Variants in CRB1 observed in about 807,000 individuals in gnomAD.
The protein encoded by CRB1 is protein crumbs homolog 1.
Under a neutral mutation model 120.0 loss-of-function variants are expected in CRB1, and 83 were observed. That is an observed-to-expected ratio of 0.69 (90% CI 0.58 to 0.83). The LOEUF (loss-of-function observed/expected upper bound fraction) is 0.83, where lower values mean the gene tolerates loss of function less well. Ranked by LOEUF, CRB1 falls within the 40% of genes least tolerant of loss-of-function variation. The probability of loss-of-function intolerance (pLI) is 0.00; values close to 1 mark genes in which losing one functional copy is unlikely to be tolerated. For missense variants in CRB1, 1,699 were observed against 1,687.6 expected, an observed-to-expected ratio of 1.01 and a Z score of -0.12; for synonymous variants, 625 against 612.5, an observed-to-expected ratio of 1.02 and a Z score of -0.30.
At chr1:197,411,560 TC>T (rs1663714297) in intron 5 of CRB1, among the ~76,000 whole-genome samples, 2 of 152,170 alleles carry the variant, frequency 1.3e-5, no homozygotes, top group African/African-American at 4.8e-5. Context: ...TGACATGAGA[TC>T]CCTGGCTTGC....
At chr1:197,252,538 T>TTATATATATATA in the CRB1 span, among the ~76,000 whole-genome samples, 7 of 27,812 alleles carry the variant, frequency 2.5e-4, 1 homozygote, top group Non-Finnish European at 3.6e-4. Context: ...CCAATAGATT[T>TTATATATATATA]TATATATATA....
the CRB1 span, among the ~76,000 whole-genome samples, chr1:197,236,628 C>A: frequency 6.6e-6 from 1 of 152,146 alleles, no homozygotes; most frequent in African/African-American, 2.4e-5. Context: ...TGTCTTTCAC[C>A]ATTAAAAATA....
intron 2 of CRB1, among the ~76,000 whole-genome samples, chr1:197,330,709 T>C (rs1658799177): frequency 6.6e-6 from 1 of 152,204 alleles, no homozygotes; most frequent in Non-Finnish European, 1.5e-5. Context: ...AGTAATTATA[T>C]TCATTATGTT....
intron 1 of CRB1, among the ~76,000 whole-genome samples, chr1:197,300,490 T>G (rs1302283795): frequency 6.6e-6 from 1 of 152,020 alleles, no homozygotes; most frequent in Non-Finnish European, 1.5e-5. Flanking sequence ...GCAAAGCCCC[T>G]ACTCTCCTCA....
chr1:197,298,867 C>T (rs1235524977), intron 1 of CRB1, among the ~76,000 whole-genome samples: 1 of 151,876 alleles, frequency 6.6e-6, no homozygotes, highest in Non-Finnish European at 1.5e-5. Context: ...TACATAAAAA[C>T]TAATTCCAAA....
chr1:197,366,524 TGTAAC>T (rs1266468211), intron 5 of CRB1, among the ~76,000 whole-genome samples: 3 of 152,216 alleles, frequency 2.0e-5, no homozygotes, highest in African/African-American at 7.2e-5. Context: ...TATTTGCATA[TGTAAC>T]GTAATTTTTC....
intron 1 of CRB1, among the ~76,000 whole-genome samples, chr1:197,323,559 G>T (rs1321610009): frequency 2.6e-5 from 4 of 152,080 alleles, no homozygotes; most frequent in Non-Finnish European, 5.9e-5. Context: ...TTATAATAAG[G>T]TCAGTGATTT....
intron 1 of CRB1, among the ~76,000 whole-genome samples, chr1:197,315,086 C>G (rs922499101): frequency 1.3e-4 from 20 of 152,176 alleles, no homozygotes; most frequent in Admixed American, 1.3e-3. Flanking sequence ...AATCCAAATC[C>G]CAGGAGATCA....
intron 4 of CRB1, among the ~76,000 whole-genome samples, chr1:197,354,825 ACC>A (rs1558076296): frequency 4.2e-3 from 59 of 14,204 alleles, no homozygotes; most frequent in African/African-American, 0.015. Context: ...CCGCCCCCCC[ACC>A]CCCCCCCCCC....
At chr1:197,428,074 A>AAT in intron 7 of CRB1, 73 bp downstream of exon 7, 1 of 1,356,862 alleles carries the variant, frequency 7.4e-7, no homozygotes, top group Non-Finnish European at 1.0e-6. Flanking sequence ...ATAACTTATT[A>AAT]AAACCATTCT....
At chr1:197,355,806 G>A (rs1046206385) in intron 4 of CRB1, among the ~76,000 whole-genome samples, 2 of 152,116 alleles carry the variant, frequency 1.3e-5, no homozygotes, top group Non-Finnish European at 2.9e-5. Context: ...TGAGGGAGCC[G>A]ACTCCATTCT....
intron 1 of CRB1, among the ~76,000 whole-genome samples, chr1:197,300,036 T>G (rs937346710): frequency 1.3e-5 from 2 of 152,000 alleles, no homozygotes; most frequent in African/African-American, 4.8e-5. Flanking sequence ...CATGCCCATA[T>G]GGCAACCAAC....
intron 5 of CRB1, among the ~76,000 whole-genome samples, chr1:197,359,782 A>C (rs1393941043): frequency 2.0e-5 from 3 of 152,074 alleles, no homozygotes; most frequent in African/African-American, 7.2e-5. Flanking sequence ...GTTTTTTTTA[A>C]TAGTCATGTT....
intron 1 of CRB1, among the ~76,000 whole-genome samples, chr1:197,294,442 A>G (rs1571784520): frequency 6.6e-6 from 1 of 152,140 alleles, no homozygotes. Context: ...AAATAGGAAC[A>G]CTTACACTGT....
chr1:197,362,397 C>T (rs1660818342), intron 5 of CRB1, among the ~76,000 whole-genome samples: 1 of 152,006 alleles, frequency 6.6e-6, no homozygotes, highest in African/African-American at 2.4e-5. Context: ...TGGTGTTGTT[C>T]ACATTTTGTA....
chr1:197,222,903 C>T, the CRB1 span: 5 of 1,174,088 alleles, frequency 4.3e-6, no homozygotes, highest in South Asian at 6.1e-5. Flanking sequence ...AGACTCTGAA[C>T]AATTCATAGT....
In CRB1 at chr1:197,363,872, T is replaced by TTCCTTTA. The variant is rs1660916295; in HGVS notation, c.1171+6859_1171+6860insTCCTTTA. The TTCCTTTA allele has an allele frequency of 4.1e-6, 4 of 969,202 alleles. No individual in the cohort carries two copies. The African/African-American group carries it at 6.4e-5, about 16-fold the overall frequency. 60.0% of individuals were successfully genotyped at this position (969,202 alleles called of 1,614,324 possible). On this transcript the variant is annotated intron_variant, in intron 5 of 11. Transcript: ENST00000367400. ...ACTGTGATGGTATAGGAAGGGAACG[T>TTCCTTTA]GGAAGGTGCATAGAGGACCCTAAAC...
chr1:197,360,115 T>C (rs1441061325), intron 5 of CRB1, among the ~76,000 whole-genome samples: 2 of 152,154 alleles, frequency 1.3e-5, no homozygotes, highest in Non-Finnish European at 2.9e-5. Flanking sequence ...GTATTGTGCA[T>C]GTGGCCTTTG....
At chr1:197,228,363 T>G in the CRB1 span, among the ~76,000 whole-genome samples, 26 of 152,200 alleles carry the variant, frequency 1.7e-4, no homozygotes, top group Non-Finnish European at 3.4e-4. Flanking sequence ...CTGTGCTGCT[T>G]AGAAATTTCT....
Sources: gnomAD v4.1 joint callset for allele counts (sites outside exome capture counted in the v4.1 genomes callset) on GRCh38, gnomAD v4.1.1 for gene constraint, MANE v1.5 for transcripts, NCBI Gene and HGNC (gene_info 2026-07-23, HGNC 2026-07-21) for gene names.